The following ZFYVE28 variants were observed in gnomAD, a reference collection of about 807,000 sequenced individuals.
ZFYVE28 encodes the protein zinc finger FYVE-type containing 28.
In ZFYVE28, 40 loss-of-function variants were observed where a neutral mutation model predicts 82.1. The ratio of observed to expected loss-of-function variants is 0.49; its 90% CI spans 0.38 to 0.63. ZFYVE28 has a LOEUF of 0.63. Among genes scored for constraint, ZFYVE28 ranks in the 30% least tolerant of loss-of-function variants. ZFYVE28 has a pLI of 0.00. For missense variants in ZFYVE28, 1,321 were observed against 1,242.1 expected, an observed-to-expected ratio of 1.06 and a Z score of -0.96; for synonymous variants, 612 against 546.1, an observed-to-expected ratio of 1.12 and a Z score of -1.68.
At chr4:2,312,586 G>T (rs1717618524) in intron 7 of ZFYVE28, among the ~76,000 whole-genome samples, 1 of 151,764 alleles carries the variant, frequency 6.6e-6, no homozygotes, top group Non-Finnish European at 1.5e-5. Context: ...AAATTAGCCG[G>T]GTGTGGTGGC....
chr4:2,395,682 G>T (rs1450709282), intron 1 of ZFYVE28, among the ~76,000 whole-genome samples: 2 of 152,198 alleles, frequency 1.3e-5, no homozygotes, highest in Admixed American at 6.5e-5. Context: ...CCCACTCCCA[G>T]CTCTTCTCCA....
At chr4:2,292,102 G>A (rs1713807539) in intron 8 of ZFYVE28, among the ~76,000 whole-genome samples, 1 of 152,228 alleles carries the variant, frequency 6.6e-6, no homozygotes, top group African/African-American at 2.4e-5. Flanking sequence ...CACAGCATGG[G>A]GGGCTGGGAG....
intron 1 of ZFYVE28, among the ~76,000 whole-genome samples, chr4:2,370,795 C>T (rs1259883256): frequency 6.6e-6 from 1 of 152,222 alleles, no homozygotes; most frequent in East Asian, 1.9e-4. Flanking sequence ...CATCCCTCGC[C>T]GGCCACCCCT....
chr4:2,320,517 G>T lies in ZFYVE28; in HGVS notation c.702-246C>A, dbSNP rs1348708585. On this transcript the variant is annotated intron_variant, in intron 6 of 12. Transcript: ENST00000290974. The surrounding 1 kb of genome is among the most constrained non-coding windows in gnomAD (Gnocchi z 5.1). ...AGTTGATTAGCTTGTGTTCATTGGA[G>T]GGGTCATAAAGTAATCAGAAAAGTG... Among the ~76,000 whole-genome samples, 1 of 152,366 alleles carries T rather than the reference G, an allele frequency of 6.6e-6. No homozygotes were observed. Among genetic ancestry groups the T allele is most frequent in the East Asian group, 1.9e-4 (1 of 5,194 alleles).
At chr4:2,367,834 C>T (rs1393321591) in intron 1 of ZFYVE28, among the ~76,000 whole-genome samples, 3 of 152,210 alleles carry the variant, frequency 2.0e-5, no homozygotes, top group Non-Finnish European at 2.9e-5. Flanking sequence ...GGACCAGCTC[C>T]CCTTGAAGGA....
intron 8 of ZFYVE28, among the ~76,000 whole-genome samples, chr4:2,298,979 C>T (rs1197860037): frequency 4.6e-5 from 7 of 152,328 alleles, no homozygotes; most frequent in African/African-American, 1.4e-4. Context: ...GCGCGCCTCG[C>T]ACCACACGCG....
In ZFYVE28 at chr4:2,341,712, T is replaced by C. The variant is rs1417938771; in HGVS notation, c.181-97A>G. On this transcript the variant is annotated intron_variant, in intron 2 of 12. Transcript: ENST00000290974. This position sits in a 1 kb window ranked among gnomAD's most constrained non-coding sequence, Gnocchi z 4.5. ...ACACGCACGGTGCATGTGACTGTTTTTTAGGATTATTAAAGTGATAGAGGA... is the reference window on the plus strand; with the variant it reads ...ACACGCACGGTGCATGTGACTGTTTCTTAGGATTATTAAAGTGATAGAGGA... The C allele has an allele frequency of 6.6e-7, 1 of 1,508,426 alleles. No individual in the cohort carries two copies. Among genetic ancestry groups the C allele is most frequent in the Non-Finnish European group, 9.0e-7 (1 of 1,110,812 alleles). 93.4% of individuals were successfully genotyped at this position (1,508,426 alleles called of 1,614,324 possible). A position where few individuals can be genotyped will look rare whatever the true frequency, so the allele number is the denominator to read the frequency against.
chr4:2,397,302 C>A (rs987414876), intron 1 of ZFYVE28, among the ~76,000 whole-genome samples: 2 of 151,862 alleles, frequency 1.3e-5, no homozygotes, highest in Non-Finnish European at 2.9e-5. Context: ...CATGGTGAAA[C>A]CCCATCTCTA....
intron 6 of ZFYVE28, among the ~76,000 whole-genome samples, chr4:2,325,611 T>A (rs1719747603): frequency 7.7e-6 from 1 of 129,576 alleles, no homozygotes; most frequent in Non-Finnish European, 1.6e-5. Context: ...TTTTTTTTTT[T>A]GCTTTTAAGA....
intron 2 of ZFYVE28, 86 bp downstream of exon 2, chr4:2,353,847 G>A (rs1724834788): frequency 7.7e-7 from 1 of 1,298,108 alleles, no homozygotes; most frequent in South Asian, 2.4e-5. Flanking sequence ...GGGGCCAGCA[G>A]GTGACAAAGC....
intron 1 of ZFYVE28, among the ~76,000 whole-genome samples, chr4:2,380,086 T>G (rs1728578828): frequency 2.6e-5 from 4 of 152,222 alleles, no homozygotes; most frequent in Admixed American, 2.6e-4. Flanking sequence ...TGCAATTACT[T>G]TTGCAACAAC....
chr4:2,336,910 T>G (rs1578149511), intron 5 of ZFYVE28, among the ~76,000 whole-genome samples: 4 of 52,334 alleles, frequency 7.6e-5, no homozygotes, highest in Admixed American at 2.3e-4. Flanking sequence ...AGTTAGGAGG[T>G]GGGGAAGTGA....
chr4:2,371,013 C>T (rs1055237435), intron 1 of ZFYVE28, among the ~76,000 whole-genome samples: 11 of 152,226 alleles, frequency 7.2e-5, no homozygotes, highest in Admixed American at 1.3e-4. Context: ...TGAACGTGGA[C>T]GCAGCATGTG....
chr4:2,381,464 T>C (rs112754566), intron 1 of ZFYVE28, among the ~76,000 whole-genome samples: 184 of 152,320 alleles, frequency 1.2e-3, no homozygotes, highest in African/African-American at 4.2e-3. Flanking sequence ...TGGAGTGCAA[T>C]GGTGTGACCT....
At chr4:2,308,694 AAAG>A (rs1358015119) in intron 7 of ZFYVE28, among the ~76,000 whole-genome samples, 3 of 139,582 alleles carry the variant, frequency 2.1e-5, no homozygotes, top group Admixed American at 2.1e-4. Context: ...AAAGAAAAGA[AAAG>A]AAAAGAAAAA....
In ZFYVE28 at chr4:2,375,362, C is replaced by T. The variant is rs538956129; in HGVS notation, c.40-21289G>A. On this transcript the variant is annotated intron_variant, in intron 1 of 12. Coordinates refer to ENST00000290974, the MANE Select transcript of ZFYVE28 (RefSeq NM_020972.3). ...AATCACCCAGGGTCAATCAGCCGGG[C>T]CAGCATCGAAGGAGGCCCCGGTACC... Among the ~76,000 whole-genome samples, 4 of 152,332 alleles carry T rather than the reference C, an allele frequency of 2.6e-5. No individual in the cohort carries two copies. In the South Asian group the frequency reaches 8.3e-4, roughly 32 times the overall value.
chr4:2,382,207 G>A (rs1728795954), intron 1 of ZFYVE28, among the ~76,000 whole-genome samples: 1 of 152,236 alleles, frequency 6.6e-6, no homozygotes, highest in African/African-American at 2.4e-5. Context: ...GTGTGGAAGG[G>A]AAATGTGGGG....
At chr4:2,312,815 C>T (rs180942884) in intron 7 of ZFYVE28, among the ~76,000 whole-genome samples, 26 of 149,474 alleles carry the variant, frequency 1.7e-4, no homozygotes, top group African/African-American at 4.9e-4. Flanking sequence ...GAGGCCAAGG[C>T]GGGCAGATCA....
At chr4:2,346,281 G>A (rs899456206) in intron 2 of ZFYVE28, among the ~76,000 whole-genome samples, 9 of 150,606 alleles carry the variant, frequency 6.0e-5, no homozygotes, top group Non-Finnish European at 1.2e-4. Flanking sequence ...GGCAGAGCTA[G>A]CAGTGAGCCG....
Sources: allele counts gnomAD v4.1 joint callset (sites outside exome capture counted in the v4.1 genomes callset), GRCh38; gene constraint gnomAD v4.1.1; non-coding constraint Gnocchi (gnomAD v3.1); transcripts MANE v1.5; gene names NCBI Gene and HGNC (gene_info 2026-07-23, HGNC 2026-07-21).